Variants in LNX2 observed in about 807,000 individuals in gnomAD.
LNX2 encodes ligand of numb-protein X 2, also known as ligand of Numb protein X 2.
LNX2 carries 35 observed loss-of-function variants against 66.2 expected under a neutral mutation model. The ratio of observed to expected loss-of-function variants is 0.53; its 90% CI spans 0.40 to 0.70. LNX2 has a LOEUF of 0.70. Among genes scored for constraint, LNX2 ranks in the 30% least tolerant of loss-of-function variants. The probability of loss-of-function intolerance (pLI) is 0.00; values close to 1 mark genes in which losing one functional copy is unlikely to be tolerated. For missense variants in LNX2, 791 were observed against 850.8 expected, an observed-to-expected ratio of 0.93 and a Z score of 0.87; for synonymous variants, 337 against 315.6, an observed-to-expected ratio of 1.07 and a Z score of -0.72.
Position 27,550,342 on chromosome 13 carries a change from CCAT to C in LNX2, c.1925_1927del (p.Asp642del), listed in dbSNP as rs755034407. Reference sequence around the variant, plus strand: ...TTAGAACAAGACTCACTTTAATCTTCCATCATAATAAGCAGGAGTTCCCAAGAC... The same window carrying C: ...TTAGAACAAGACTCACTTTAATCTTCCATAATAAGCAGGAGTTCCCAAGAC... On this transcript the variant is annotated inframe_deletion, in exon 9 of 10. Transcript: ENST00000316334. The C allele has an allele frequency of 1.2e-6, 2 of 1,612,688 alleles. No homozygotes were observed. The highest frequency in any genetic ancestry group is 1.7e-6 in the Non-Finnish European group (2 of 1,179,386).
intron 1 of LNX2, among the ~76,000 whole-genome samples, chr13:27,599,626 G>A (rs183084862): frequency 2.0e-5 from 3 of 152,320 alleles, no homozygotes; most frequent in African/African-American, 7.2e-5. Flanking sequence ...TAGGAAGTAA[G>A]TTAGGAATAG....
At chr13:27,565,095 A>T (rs1419549471) in intron 4 of LNX2, among the ~76,000 whole-genome samples, 1 of 152,190 alleles carries the variant, frequency 6.6e-6, no homozygotes, top group Admixed American at 6.5e-5. Flanking sequence ...ATAAACAGTA[A>T]TAATGCAGTG....
At chr13:27,619,753 C>A (rs1479158809) in intron 1 of LNX2, among the ~76,000 whole-genome samples, 1 of 152,172 alleles carries the variant, frequency 6.6e-6, no homozygotes, top group Non-Finnish European at 1.5e-5. Context: ...CTTTGAAAAG[C>A]GAGTGATGTA....
At chr13:27,589,719 AG>A (rs1157530606) in intron 1 of LNX2, among the ~76,000 whole-genome samples, 1 of 152,256 alleles carries the variant, frequency 6.6e-6, no homozygotes, top group East Asian at 1.9e-4. Flanking sequence ...ATACTTTCAA[AG>A]GTTACTCTAA....
At chr13:27,578,675 G>A (rs1472673176) in intron 2 of LNX2, among the ~76,000 whole-genome samples, 1 of 152,156 alleles carries the variant, frequency 6.6e-6, no homozygotes, top group Non-Finnish European at 1.5e-5. Flanking sequence ...CTGTCATGCT[G>A]GGAAGGCTAC....
chr13:27,574,632 T>G (rs941319437), intron 2 of LNX2, among the ~76,000 whole-genome samples: 5 of 150,484 alleles, frequency 3.3e-5, no homozygotes, highest in Admixed American at 6.6e-5. Context: ...GTGAAAGGAG[T>G]AGAAAGAATA....
chr13:27,601,631 T>C (rs1000847643), intron 1 of LNX2, among the ~76,000 whole-genome samples: 8 of 152,146 alleles, frequency 5.3e-5, no homozygotes, highest in African/African-American at 1.7e-4. Flanking sequence ...AAATAATATA[T>C]CATGCATGAA....
intron 1 of LNX2, among the ~76,000 whole-genome samples, chr13:27,593,882 C>G (rs1481748295): frequency 1.3e-5 from 2 of 151,838 alleles, no homozygotes; most frequent in East Asian, 3.9e-4. Flanking sequence ...AGGTGTGAGC[C>G]ACCACGCCCA....
At chr13:27,563,606 G>C (rs747683736) in intron 4 of LNX2, among the ~76,000 whole-genome samples, 3 of 152,156 alleles carry the variant, frequency 2.0e-5, no homozygotes, top group Admixed American at 6.5e-5. Context: ...AGATGAGCAT[G>C]ATTCTTAGCA....
At chr13:27,579,284 T>G (rs1288591922) in intron 2 of LNX2, among the ~76,000 whole-genome samples, 2 of 152,234 alleles carry the variant, frequency 1.3e-5, no homozygotes, top group East Asian at 3.8e-4. Flanking sequence ...AAATGGCATA[T>G]AAAAATCATA....
rs1440020784 is a variant in LNX2 at position 27,548,072 on chromosome 13, T to C, written c.*263A>G. The C allele has an allele frequency of 3.6e-5, 15 of 411,302 alleles. No individual in the cohort carries two copies. Among genetic ancestry groups the C allele is most frequent in the South Asian group, 2.9e-4 (9 of 31,548 alleles). 25.5% of individuals were successfully genotyped at this position (411,302 alleles called of 1,614,324 possible). ...TTTGGGTGAGCTTTGCTCATTACCA[T>C]AGGTAACATTTTAACAACTAAGTCT... is the stretch of plus-strand genomic sequence containing the variant. On this transcript the variant is annotated 3_prime_UTR_variant, in exon 10 of 10. Transcript: ENST00000316334.
intron 9 of LNX2, among the ~76,000 whole-genome samples, chr13:27,549,836 C>T (rs1225985732): frequency 3.3e-5 from 5 of 152,168 alleles, no homozygotes; most frequent in Non-Finnish European, 7.3e-5. Flanking sequence ...TGCATAAATA[C>T]GATCTCAGGT....
At chr13:27,618,981 T>G (rs1312396427) in intron 1 of LNX2, among the ~76,000 whole-genome samples, 3 of 152,212 alleles carry the variant, frequency 2.0e-5, no homozygotes, top group Non-Finnish European at 4.4e-5. Context: ...TGGATCAGTT[T>G]CCAAATGAGA....
In LNX2 at chr13:27,583,215, T is replaced by TCCTCTCCAATATAA. The variant is rs1555268477; in HGVS notation, c.-100-1413_-100-1412insTTATATTGGAGAGG. 8.2e-3 allele frequency among the ~76,000 whole-genome samples: 189 copies of TCCTCTCCAATATAA among 22,988 alleles called. 29 individuals are homozygous for TCCTCTCCAATATAA. Among genetic ancestry groups the TCCTCTCCAATATAA allele is most frequent in the Non-Finnish European group, 0.011 (139 of 13,108 alleles). 15.1% of individuals were successfully genotyped at this position (22,988 alleles called of 152,430 possible). ...GTGTGTGTGTGTGTGTGTGTGTGTG[T>TCCTCTCCAATATAA]GTGTGTGTGTGTGTGTGTGTGTGTG... On this transcript the variant is annotated intron_variant, in intron 1 of 9. Transcript: ENST00000316334.
chr13:27,590,982 ATATG>A (rs1245160253), intron 1 of LNX2, among the ~76,000 whole-genome samples: 3 of 152,110 alleles, frequency 2.0e-5, no homozygotes, highest in African/African-American at 4.8e-5. Context: ...ATATACATAT[ATATG>A]TGTGTGTGTA....
intron 5 of LNX2, 118 bp downstream of exon 5, chr13:27,562,295 G>C: frequency 2.3e-6 from 3 of 1,289,784 alleles, no homozygotes; most frequent in Middle Eastern, 2.8e-4. Context: ...AGCCACACCC[G>C]ATTTTCTAAT....
chr13:27,615,611 T>C (rs1955817854), intron 1 of LNX2, among the ~76,000 whole-genome samples: 1 of 152,166 alleles, frequency 6.6e-6, no homozygotes. Flanking sequence ...TGAAGCTACC[T>C]AGGGGCTGCC....
intron 9 of LNX2, among the ~76,000 whole-genome samples, 168 bp from the exon 10 acceptor site, chr13:27,548,638 T>C (rs1954971528): frequency 6.6e-6 from 1 of 152,244 alleles, no homozygotes; most frequent in African/African-American, 2.4e-5. Context: ...CTATGCTGGC[T>C]TTCCCTTGCC....
intron 4 of LNX2, among the ~76,000 whole-genome samples, chr13:27,566,925 T>C (rs953124901): frequency 1.6e-4 from 25 of 152,156 alleles, no homozygotes; most frequent in Non-Finnish European, 2.8e-4. Flanking sequence ...AACTCCGGGA[T>C]TGTAGAACTC....
Sources: allele counts gnomAD v4.1 joint callset (sites outside exome capture counted in the v4.1 genomes callset), GRCh38; gene constraint gnomAD v4.1.1; transcripts MANE v1.5; gene names NCBI Gene and HGNC (gene_info 2026-07-23, HGNC 2026-07-21).